Variants in CTNNA2 observed in about 807,000 individuals in gnomAD.
CTNNA2 encodes catenin alpha-2.
A neutral mutation model predicts 101.0 loss-of-function variants in CTNNA2; 42 were observed. That is an observed-to-expected ratio of 0.42 (90% CI 0.32 to 0.54). The LOEUF is 0.54. CTNNA2 is among the 20% of genes least tolerant of loss of function. The probability of loss-of-function intolerance (pLI) is 0.14; values close to 1 mark genes in which losing one functional copy is unlikely to be tolerated. For synonymous variants in CTNNA2, 450 were observed against 456.4 expected, an observed-to-expected ratio of 0.99 and a Z score of 0.18; for missense variants, 871 against 1,223.1, an observed-to-expected ratio of 0.71 and a Z score of 4.29.
At chr2:80,123,339 G>A (rs539958440) in intron 7 of CTNNA2, among the ~76,000 whole-genome samples, 2 of 152,132 alleles carry the variant, frequency 1.3e-5, no homozygotes, top group East Asian at 1.9e-4. Flanking sequence ...ACATATTACA[G>A]GTTTAAGAAT....
chr2:80,303,572 C>T lies in CTNNA2; in HGVS notation c.1057-89639C>T, dbSNP rs1451138100. On this transcript the variant is annotated intron_variant, in intron 7 of 18. Transcript: ENST00000402739. This position sits in a 1 kb window ranked among gnomAD's most constrained non-coding sequence, Gnocchi z 7.7. ...GAGCTGCATTAACCCCGTGAACTGG[C>T]CGGCGCGCAGCTCCGAGAGGCTGTT... is the stretch of plus-strand genomic sequence containing the variant. The T allele has an allele frequency of 6.2e-7, 1 of 1,614,232 alleles. No homozygotes were observed. Among genetic ancestry groups the T allele is most frequent in the Admixed American group, 1.7e-5 (1 of 60,030 alleles).
chr2:80,175,383 C>G (rs910549441), intron 7 of CTNNA2, among the ~76,000 whole-genome samples: 1 of 152,108 alleles, frequency 6.6e-6, no homozygotes, highest in Non-Finnish European at 1.5e-5. Flanking sequence ...TGGCAGGATA[C>G]GCATTAATAA....
Position 79,920,046 on chromosome 2 carries a change from G to T in CTNNA2, c.1056+10249G>T, listed in dbSNP as rs557984879. 7.3e-5 allele frequency among the ~76,000 whole-genome samples: 11 copies of T among 150,392 alleles called. No homozygotes were observed. In the East Asian group the frequency reaches 1.2e-3, roughly 16 times the overall value. ...AGCCTGACTAACATGGTGAAACCCC[G>T]TCTCTACAAAAAATACAAAAAATAG... is the stretch of plus-strand genomic sequence containing the variant. On this transcript the variant is annotated intron_variant, in intron 7 of 18. Transcript: ENST00000402739.
intron 1 of CTNNA2, among the ~76,000 whole-genome samples, chr2:79,556,531 TC>T (rs1271879788): frequency 1.3e-5 from 2 of 152,050 alleles, no homozygotes; most frequent in Non-Finnish European, 2.9e-5. Context: ...TTGAAGCCAG[TC>T]CCCTGATACA....
chr2:79,207,693 G>A (rs1392979185), intron 2 of CTNNA2, among the ~76,000 whole-genome samples: 1 of 152,160 alleles, frequency 6.6e-6, no homozygotes, highest in African/African-American at 2.4e-5. Context: ...TGCAGAGCTG[G>A]TATGGCCAGT....
At chr2:80,524,415 C>T (rs1482696894) in intron 9 of CTNNA2, among the ~76,000 whole-genome samples, 1 of 152,184 alleles carries the variant, frequency 6.6e-6, no homozygotes. Context: ...ATCTTCCAAA[C>T]AGGTGTGCAA....
At chr2:80,208,120 C>A (rs1287622620) in intron 7 of CTNNA2, among the ~76,000 whole-genome samples, 1 of 152,106 alleles carries the variant, frequency 6.6e-6, no homozygotes, top group Non-Finnish European at 1.5e-5. Context: ...GGTACTTTGC[C>A]AAGGTTTCTA....
rs1671145995 is a variant in CTNNA2 at position 80,329,678 on chromosome 2, T to C, written c.1057-63533T>C. ...TTTGCACTTCCCTCCTGAGAGCTTT[T>C]CTTTGTCCTGAATGAGGAAGCAACA... is the stretch of plus-strand genomic sequence containing the variant. On this transcript the variant is annotated intron_variant, in intron 7 of 18. Transcript: ENST00000402739. Among the ~76,000 whole-genome samples, 4 of 152,176 alleles carry C rather than the reference T, an allele frequency of 2.6e-5. No homozygotes were observed. The South Asian group carries it at 6.2e-4, about 24-fold the overall frequency.
At chr2:79,962,761 C>T (rs1231226139) in intron 7 of CTNNA2, among the ~76,000 whole-genome samples, 1 of 152,070 alleles carries the variant, frequency 6.6e-6, no homozygotes, top group Non-Finnish European at 1.5e-5. Context: ...TTTGACTGTT[C>T]TTGCAATGAA....
chr2:79,407,747 GAGA>G (rs1405481582), intron 4 of CTNNA2, among the ~76,000 whole-genome samples: 2 of 151,992 alleles, frequency 1.3e-5, no homozygotes, highest in Middle Eastern at 3.4e-3. Flanking sequence ...GCTTTCCACG[GAGA>G]AAACACAGAA....
intron 1 of CTNNA2, among the ~76,000 whole-genome samples, chr2:79,557,022 C>G (rs1267359030): frequency 6.6e-6 from 1 of 151,882 alleles, no homozygotes; most frequent in African/African-American, 2.4e-5. Context: ...TTTTGGGCAG[C>G]CTATTCTAGA....
At chr2:79,881,306 T>C (rs1187629502) in intron 6 of CTNNA2, among the ~76,000 whole-genome samples, 2 of 152,200 alleles carry the variant, frequency 1.3e-5, no homozygotes, top group African/African-American at 4.8e-5. Flanking sequence ...GGTGCAGAGT[T>C]CTGTAGATGT....
At chr2:79,507,010 C>A (rs1390532757) in intron 5 of CTNNA2, among the ~76,000 whole-genome samples, 1 of 152,140 alleles carries the variant, frequency 6.6e-6, no homozygotes, top group African/African-American at 2.4e-5. Context: ...GAAAGGGAAT[C>A]TTGTATAAAC....
intron 3 of CTNNA2, among the ~76,000 whole-genome samples, chr2:79,797,660 T>TAAAA (rs10630216): frequency 0.14 from 17,446 of 121,478 alleles, 2,004 homozygotes; most frequent in African/African-American, 0.31. Flanking sequence ...GACTCTGTCT[T>TAAAA]AAAAAAAAAA....
intron 12 of CTNNA2, among the ~76,000 whole-genome samples, chr2:80,563,190 G>T (rs1186801751): frequency 6.6e-6 from 1 of 152,096 alleles, no homozygotes; most frequent in African/African-American, 2.4e-5. Context: ...GTAAATTAGG[G>T]GCCTACATAT....
intron 2 of CTNNA2, among the ~76,000 whole-genome samples, chr2:79,216,396 C>T (rs547950323): frequency 1.3e-5 from 2 of 151,018 alleles, no homozygotes; most frequent in East Asian, 2.0e-4. Flanking sequence ...GGAAAGTGGT[C>T]GGGGTGCGGA....
At chr2:79,560,847 A>C (rs1674733797) in intron 1 of CTNNA2, among the ~76,000 whole-genome samples, 1 of 151,966 alleles carries the variant, frequency 6.6e-6, no homozygotes, top group African/African-American at 2.4e-5. Flanking sequence ...ATGAAGAAGC[A>C]TCCCAGATTT....
At chr2:80,179,412 C>T (rs557379086) in intron 7 of CTNNA2, among the ~76,000 whole-genome samples, 2 of 152,082 alleles carry the variant, frequency 1.3e-5, no homozygotes, top group African/African-American at 2.4e-5. Flanking sequence ...CTCGCTCTGT[C>T]GCCCAGGCTG....
Position 80,312,549 on chromosome 2 carries a change from G to A in CTNNA2, c.1057-80662G>A, listed in dbSNP as rs2149230295. On this transcript the variant is annotated intron_variant, in intron 7 of 18. Transcript: ENST00000402739. ...TTGTTTACTGAAACTAGAAGCAAGT[G>A]GGCAAAGAGAACCAGGAAGTTAAAC... 1.3e-5 allele frequency among the ~76,000 whole-genome samples: 2 copies of A among 152,240 alleles called. 1 individual carries two copies. The highest frequency in any genetic ancestry group is 6.8e-3 in the Middle Eastern group (2 of 294).
Sources: allele counts gnomAD v4.1 joint callset (sites outside exome capture counted in the v4.1 genomes callset), GRCh38; gene constraint gnomAD v4.1.1; non-coding constraint Gnocchi (gnomAD v3.1); transcripts MANE v1.5; gene names NCBI Gene and HGNC (gene_info 2026-07-23, HGNC 2026-07-21).